Variants in RAB11FIP3 observed in about 807,000 individuals in gnomAD.
RAB11FIP3 encodes RAB11 family interacting protein 3.
A neutral mutation model predicts 77.8 loss-of-function variants in RAB11FIP3; 17 were observed. The observed-to-expected ratio is 0.22, with a 90% confidence interval of 0.15 to 0.33. The LOEUF (loss-of-function observed/expected upper bound fraction) is 0.33. RAB11FIP3 is among the 10% of genes least tolerant of loss of function. RAB11FIP3 has a pLI of 1.00. For synonymous variants in RAB11FIP3, 437 were observed against 448.2 expected, an observed-to-expected ratio of 0.98 and a Z score of 0.31; for missense variants, 1,005 against 1,011.2, an observed-to-expected ratio of 0.99 and a Z score of 0.08.
At position 426,458 on chromosome 16, in the gene RAB11FIP3, G is replaced by C; in HGVS notation, c.452G>C (p.Ser151Thr). The change falls in exon 1 of 14, where the codon AGC (serine) becomes ACC (threonine). Residue 151 changes from serine (S) to threonine (T), a missense_variant. Coordinates refer to ENST00000262305, the MANE Select transcript of RAB11FIP3 (RefSeq NM_014700.4). The surrounding 1 kb of genome is among the most constrained non-coding windows in gnomAD (Gnocchi z 5.0). Reference protein sequence around the residue: ...APFRLQGSSSSHRARGEVDVF... With the variant: ...APFRLQGSSSTHRARGEVDVF... ...TTCCGCTTGCAGGGGTCCAGCAGCA[G>C]CCACCGAGCGCGGGGCGAGGTCGAC... The C allele has an allele frequency of 6.3e-7, 1 of 1,583,020 alleles. No homozygotes were observed. The highest frequency in any genetic ancestry group is 1.1e-5 in the South Asian group (1 of 87,140).
chr16:520,703 C>T, intron 13 of RAB11FIP3, 23 bp from the exon 14 acceptor site: 1 of 1,613,280 alleles, frequency 6.2e-7, no homozygotes. Context: ...CGCCTCAGCT[C>T]TGACCACCTG....
chr16:464,562 G>T (rs1293128011), intron 2 of RAB11FIP3, among the ~76,000 whole-genome samples: 1 of 152,076 alleles, frequency 6.6e-6, no homozygotes, highest in Non-Finnish European at 1.5e-5. Flanking sequence ...GGTTAGCTCT[G>T]GGGAGATTCT....
chr16:473,131 C>G (rs367838390), intron 3 of RAB11FIP3, among the ~76,000 whole-genome samples: 1 of 152,314 alleles, frequency 6.6e-6, no homozygotes, highest in East Asian at 1.9e-4. Flanking sequence ...GTTATGGCAG[C>G]CCTGGGCAGG....
intron 1 of RAB11FIP3, among the ~76,000 whole-genome samples, chr16:441,165 C>T (rs1475733877): frequency 2.0e-5 from 3 of 152,270 alleles, no homozygotes; most frequent in East Asian, 1.9e-4. Flanking sequence ...TGGTCTTGAA[C>T]TTCTTACCTC....
chr16:490,065 A>C lies in RAB11FIP3; in HGVS notation c.1265+1065A>C, dbSNP rs2030038449. Among the ~76,000 whole-genome samples the C allele has an allele frequency of 5.3e-5, 8 of 151,960 alleles. No individual in the cohort carries two copies. In the South Asian group the frequency reaches 1.7e-3, roughly 31 times the overall value. On this transcript the variant is annotated intron_variant, in intron 5 of 13. Coordinates refer to ENST00000262305, the MANE Select transcript of RAB11FIP3 (RefSeq NM_014700.4). ...ACTTGGGTCTCTGTGCTTGGTAATCACCTCTTCCTACGTGTTTAGTTTGTC... is the reference window on the plus strand; with the variant it reads ...ACTTGGGTCTCTGTGCTTGGTAATCCCCTCTTCCTACGTGTTTAGTTTGTC...
chr16:508,460 G>A (rs202164437), intron 8 of RAB11FIP3, among the ~76,000 whole-genome samples: 1 of 152,128 alleles, frequency 6.6e-6, no homozygotes, highest in Admixed American at 6.5e-5. Flanking sequence ...GGCAACCTCC[G>A]CCTCCCGGGT....
intron 1 of RAB11FIP3, among the ~76,000 whole-genome samples, chr16:433,891 A>G (rs1473611628): frequency 2.0e-5 from 3 of 151,550 alleles, no homozygotes; most frequent in African/African-American, 2.4e-5. Flanking sequence ...TTGTGTATCT[A>G]TATTACATTT....
chr16:460,303 A>C (rs1414115971), intron 1 of RAB11FIP3, among the ~76,000 whole-genome samples: 1 of 152,042 alleles, frequency 6.6e-6, no homozygotes, highest in Non-Finnish European at 1.5e-5. Flanking sequence ...ATGTCTTTTG[A>C]GTATGAAAGT....
At chr16:494,145 T>A (rs546961197) in intron 5 of RAB11FIP3, among the ~76,000 whole-genome samples, 1 of 122,168 alleles carries the variant, frequency 8.2e-6, no homozygotes, top group African/African-American at 3.3e-5. Context: ...CGCCTCGGCC[T>A]CCCAAAGTGC....
Position 520,945 on chromosome 16 carries a change from C to A in RAB11FIP3, c.*106C>A. ...CAGCAGGTCCCACAGCCGACAGTGC[C>A]CAGAGCATGCAGGGAACCCTCGTGC... On this transcript the variant is annotated 3_prime_UTR_variant, in exon 14 of 14. Transcript: ENST00000262305. 1 of 931,346 alleles carries A rather than the reference C, an allele frequency of 1.1e-6. No homozygotes were observed. The highest frequency in any genetic ancestry group is 1.7e-6 in the Non-Finnish European group (1 of 579,940). The allele number at this position is 931,346 out of a possible 1,614,324, so 57.7% of individuals were successfully genotyped here.
At chr16:441,948 C>T (rs1291151915) in intron 1 of RAB11FIP3, among the ~76,000 whole-genome samples, 1 of 152,222 alleles carries the variant, frequency 6.6e-6, no homozygotes, top group African/African-American at 2.4e-5. Context: ...ACGCCATTCT[C>T]CTGCCTCAGC....
intron 2 of RAB11FIP3, among the ~76,000 whole-genome samples, chr16:463,130 G>A (rs535524499): frequency 1.3e-5 from 2 of 152,212 alleles, no homozygotes; most frequent in Admixed American, 6.5e-5. Context: ...TACACTGTCC[G>A]TCTTACGTCA....
chr16:433,354 C>G (rs2055071974), intron 1 of RAB11FIP3, among the ~76,000 whole-genome samples: 1 of 148,854 alleles, frequency 6.7e-6, no homozygotes, highest in African/African-American at 2.5e-5. Flanking sequence ...TAACCGTGCT[C>G]TTTACCCTCC....
chr16:481,265 C>T (rs2056036319), intron 3 of RAB11FIP3, among the ~76,000 whole-genome samples: 1 of 151,726 alleles, frequency 6.6e-6, no homozygotes, highest in South Asian at 2.1e-4. Flanking sequence ...AATCCCAGCA[C>T]TTTGGAAGGC....
At chr16:516,060 C>T (rs940940919) in intron 9 of RAB11FIP3, among the ~76,000 whole-genome samples, 2 of 152,234 alleles carry the variant, frequency 1.3e-5, no homozygotes, top group African/African-American at 4.8e-5. Context: ...CCCGTGGCCT[C>T]CCCGGCAGTG....
chr16:513,963 A>C (rs1230237233), intron 9 of RAB11FIP3, among the ~76,000 whole-genome samples: 2 of 152,236 alleles, frequency 1.3e-5, no homozygotes, highest in African/African-American at 4.8e-5. Context: ...AGCACCTCCC[A>C]TGGGACCTTT....
At chr16:453,529 C>G (rs950852510) in intron 1 of RAB11FIP3, 1 of 151,322 alleles carries the variant, frequency 6.6e-6, no homozygotes, top group Non-Finnish European at 1.5e-5. Context: ...GAAAGCGAGT[C>G]GGTTCCCCGG....
Position 505,727 on chromosome 16 carries a change from GC to G in RAB11FIP3, c.1499+102del. 9.6e-7 allele frequency: 1 copy of G among 1,046,914 alleles called. No individual in the cohort carries two copies. The highest frequency in any genetic ancestry group is 1.6e-5 in the African/African-American group (1 of 62,868). The allele number at this position is 1,046,914 out of a possible 1,614,324, so 64.9% of individuals were successfully genotyped here. Reference sequence around the variant, plus strand: ...CTTTACCTCACACAGCAGGGGCTTGGCCACCCGTCCATCCCCGTTGGAAGCC... The same window carrying G: ...CTTTACCTCACACAGCAGGGGCTTGGCACCCGTCCATCCCCGTTGGAAGCC... On this transcript the variant is annotated intron_variant, in intron 8 of 13. Transcript: ENST00000262305. This position sits in a 1 kb window ranked among gnomAD's most constrained non-coding sequence, Gnocchi z 4.0.
Position 471,496 on chromosome 16 carries a change from G to T in RAB11FIP3, c.903+107G>T. The T allele has an allele frequency of 9.9e-7, 1 of 1,014,354 alleles. No individual in the cohort carries two copies. Among genetic ancestry groups the T allele is most frequent in the Non-Finnish European group, 1.5e-6 (1 of 668,296 alleles). The allele number at this position is 1,014,354 out of a possible 1,614,324, so 62.8% of individuals were successfully genotyped here. A position where few individuals can be genotyped will look rare whatever the true frequency, so the allele number is the denominator to read the frequency against. On this transcript the variant is annotated intron_variant, in intron 3 of 13. Transcript: ENST00000262305. The surrounding 1 kb of genome is among the most constrained non-coding windows in gnomAD (Gnocchi z 4.4). ...TCCGGGCTGTCTTCCGTAGAAGCTG[G>T]CGTGAAGGAAGGGCCTCCCGCCCTG...
Sources: gnomAD v4.1 joint callset for allele counts (sites outside exome capture counted in the v4.1 genomes callset) on GRCh38, gnomAD v4.1.1 for gene constraint, Gnocchi (gnomAD v3.1) non-coding constraint, MANE v1.5 for transcripts, NCBI Gene and HGNC (gene_info 2026-07-23, HGNC 2026-07-21) for gene names.